The following FRK variants were observed in gnomAD, a reference collection of about 807,000 sequenced individuals.
The protein encoded by FRK is fyn related Src family tyrosine kinase, also known as tyrosine-protein kinase FRK.
A neutral mutation model predicts 56.4 loss-of-function variants in FRK; 51 were observed. The observed-to-expected ratio is 0.90, with a 90% CI of 0.72 to 1.14. The LOEUF is 1.14. Among genes scored for constraint, FRK ranks in the 50% most tolerant of loss-of-function variants. The pLI, the probability that FRK is intolerant of heterozygous loss-of-function variation, is 0.00. For synonymous variants in FRK, 245 were observed against 217.9 expected, an observed-to-expected ratio of 1.12 and a Z score of -1.10; for missense variants, 570 against 601.4, an observed-to-expected ratio of 0.95 and a Z score of 0.55.
At chr6:116,028,137 G>C (rs1450903000) in intron 1 of FRK, among the ~76,000 whole-genome samples, 2 of 152,084 alleles carry the variant, frequency 1.3e-5, no homozygotes, top group Admixed American at 1.3e-4. Context: ...TGGGTTTTCT[G>C]CAATTTAACT....
At chr6:116,033,819 T>A (rs1321591316) in intron 1 of FRK, among the ~76,000 whole-genome samples, 1 of 152,076 alleles carries the variant, frequency 6.6e-6, no homozygotes, top group Non-Finnish European at 1.5e-5. Flanking sequence ...ATAGACTGTA[T>A]TTAAGGTAAG....
At chr6:115,942,711 GT>G in intron 7 of FRK, 86 bp from the exon 8 acceptor site, 1 of 1,144,628 alleles carries the variant, frequency 8.7e-7, no homozygotes, top group South Asian at 1.4e-5. Flanking sequence ...TATACTCTAG[GT>G]TACTAAGTAA....
At chr6:115,989,959 G>A (rs1562273497) in intron 2 of FRK, among the ~76,000 whole-genome samples, 2 of 151,830 alleles carry the variant, frequency 1.3e-5, no homozygotes, top group African/African-American at 2.4e-5. Context: ...GTTATTTCTT[G>A]ATGTTTTAAT....
chr6:115,977,947 A>T (rs1358024722), intron 2 of FRK, among the ~76,000 whole-genome samples: 4 of 152,198 alleles, frequency 2.6e-5, no homozygotes, highest in African/African-American at 9.6e-5. Flanking sequence ...ATATAATTGT[A>T]ACATTCAATA....
chr6:116,020,311 T>G (rs1263659094), intron 1 of FRK, among the ~76,000 whole-genome samples: 3 of 152,134 alleles, frequency 2.0e-5, no homozygotes, highest in Non-Finnish European at 4.4e-5. Context: ...TTTTGTTTTT[T>G]TTTGGAGTTT....
the FRK span, among the ~76,000 whole-genome samples, chr6:116,073,040 G>C: frequency 6.6e-6 from 1 of 152,178 alleles, no homozygotes; most frequent in African/African-American, 2.4e-5. Context: ...TGAAAGAGAA[G>C]ACTGGCACCA....
chr6:116,019,161 T>C (rs1277845011), intron 1 of FRK, among the ~76,000 whole-genome samples: 1 of 152,200 alleles, frequency 6.6e-6, no homozygotes, highest in Admixed American at 6.6e-5. Context: ...TTTGGTATTA[T>C]TTGATTAATT....
the FRK span, among the ~76,000 whole-genome samples, chr6:116,066,525 C>A: frequency 2.6e-5 from 4 of 152,118 alleles, no homozygotes; most frequent in South Asian, 8.3e-4. Context: ...CTCCAAATGG[C>A]AGCCAAAATA....
intron 1 of FRK, among the ~76,000 whole-genome samples, chr6:116,055,748 GGACTTAA>G (rs1301069233): frequency 6.6e-6 from 1 of 152,080 alleles, no homozygotes; most frequent in Non-Finnish European, 1.5e-5. Context: ...CCTATAGAAT[GGACTTAA>G]GACAAAATTA....
chr6:116,045,916 A>G (rs1776935079), intron 1 of FRK, among the ~76,000 whole-genome samples: 1 of 152,214 alleles, frequency 6.6e-6, no homozygotes. Flanking sequence ...TAATATCCAG[A>G]ATCTACAAGG....
At chr6:115,982,692 A>G (rs1319298393) in intron 2 of FRK, among the ~76,000 whole-genome samples, 1 of 152,036 alleles carries the variant, frequency 6.6e-6, no homozygotes, top group Non-Finnish European at 1.5e-5. Context: ...TCCTAGAAAA[A>G]CAGCTCAAAG....
intron 1 of FRK, among the ~76,000 whole-genome samples, chr6:116,032,756 G>A (rs996462380): frequency 6.6e-6 from 1 of 151,970 alleles, no homozygotes; most frequent in African/African-American, 2.4e-5. Context: ...GAGATGCAGA[G>A]AGTAATTTTA....
At chr6:115,976,578 C>A (rs763800921) in intron 2 of FRK, among the ~76,000 whole-genome samples, 1 of 152,078 alleles carries the variant, frequency 6.6e-6, no homozygotes, top group Non-Finnish European at 1.5e-5. Context: ...CTGGGCATAG[C>A]CTTATTCCTA....
intron 2 of FRK, among the ~76,000 whole-genome samples, chr6:115,998,078 GC>G (rs1774911474): frequency 6.6e-6 from 1 of 152,208 alleles, no homozygotes; most frequent in Non-Finnish European, 1.5e-5. Flanking sequence ...CAACAGAGGG[GC>G]CCTATGCTTC....
intron 1 of FRK, among the ~76,000 whole-genome samples, chr6:116,050,477 C>T (rs1280780491): frequency 1.3e-5 from 2 of 152,150 alleles, no homozygotes; most frequent in African/African-American, 4.8e-5. Flanking sequence ...CGCCTGCTTC[C>T]TTAAAATCTC....
At chr6:115,988,623 G>C (rs926896131) in intron 2 of FRK, among the ~76,000 whole-genome samples, 7 of 151,936 alleles carry the variant, frequency 4.6e-5, no homozygotes, top group Non-Finnish European at 1.0e-4. Flanking sequence ...GCACATGTTT[G>C]AGTGAAAGCC....
intron 2 of FRK, 143 bp from the exon 3 acceptor site, chr6:115,968,882 A>C: frequency 1.4e-6 from 1 of 721,162 alleles, no homozygotes; most frequent in Non-Finnish European, 2.2e-6. Flanking sequence ...GAAAAGATTT[A>C]AGAAAGTTTA....
intron 1 of FRK, among the ~76,000 whole-genome samples, chr6:116,021,909 T>C (rs1414356101): frequency 6.6e-6 from 1 of 151,802 alleles, no homozygotes; most frequent in Non-Finnish European, 1.5e-5. Flanking sequence ...TTTGGGAAGA[T>C]TAATAAAAGT....
chr6:116,000,907 C>T (rs1775039921), intron 2 of FRK, among the ~76,000 whole-genome samples: 1 of 152,044 alleles, frequency 6.6e-6, no homozygotes, highest in South Asian at 2.1e-4. Flanking sequence ...AAAGGGCATG[C>T]AAAAATGTTC....
Sources: gnomAD v4.1 joint callset for allele counts (sites outside exome capture counted in the v4.1 genomes callset) on GRCh38, gnomAD v4.1.1 for gene constraint, MANE v1.5 for transcripts, NCBI Gene and HGNC (gene_info 2026-07-23, HGNC 2026-07-21) for gene names.